Variants in ELL2 observed in about 807,000 individuals in gnomAD.
The protein encoded by ELL2 is elongation factor for RNA polymerase II 2.
ELL2 carries 21 observed loss-of-function variants against 72.8 expected under a neutral mutation model. The observed-to-expected ratio is 0.29, with a 90% CI of 0.20 to 0.42. The LOEUF (loss-of-function observed/expected upper bound fraction) is 0.42. Ranked by LOEUF, ELL2 falls within the 10% of genes least tolerant of loss-of-function variation. The pLI, the probability that ELL2 is intolerant of heterozygous loss-of-function variation, is 1.00. For missense variants in ELL2, 568 were observed against 772.8 expected, an observed-to-expected ratio of 0.73 and a Z score of 3.14; for synonymous variants, 266 against 283.2, an observed-to-expected ratio of 0.94 and a Z score of 0.61.
intron 2 of ELL2, among the ~76,000 whole-genome samples, chr5:95,941,189 TA>T (rs1187243168): frequency 6.6e-6 from 1 of 152,148 alleles, no homozygotes; most frequent in Non-Finnish European, 1.5e-5. Flanking sequence ...GCTTATCTGT[TA>T]AAATTCAAAC....
At position 95,892,257 on chromosome 5, in the gene ELL2, G is replaced by A. The variant is rs140498222; in HGVS notation, c.1590-983C>T. On this transcript the variant is annotated intron_variant, in intron 9 of 11. Coordinates refer to ENST00000237853, the MANE Select transcript of ELL2 (RefSeq NM_012081.6). Reference sequence around the variant, plus strand: ...TACCTCCTGGGCTCAACCGATTCTCGTGCCTCAGCCTCCTGAGTAGCTGAG... The same window carrying A: ...TACCTCCTGGGCTCAACCGATTCTCATGCCTCAGCCTCCTGAGTAGCTGAG... 9.9e-3 allele frequency among the ~76,000 whole-genome samples: 1,499 copies of A among 151,446 alleles called. 21 individuals are homozygous for A. Among genetic ancestry groups the A allele is most frequent in the African/African-American group, 0.035 (1,442 of 41,220 alleles).
intron 2 of ELL2, among the ~76,000 whole-genome samples, chr5:95,940,917 T>A (rs2112345807): frequency 6.6e-6 from 1 of 152,200 alleles, no homozygotes; most frequent in East Asian, 1.9e-4. Context: ...TCCCCAGTAA[T>A]GACTCTTTGT....
chr5:95,905,869 A>G (rs1254285409), intron 5 of ELL2, among the ~76,000 whole-genome samples: 2 of 152,152 alleles, frequency 1.3e-5, no homozygotes, highest in Admixed American at 1.3e-4. Context: ...AAGATTTATG[A>G]CAGATGGACA....
At position 95,898,847 on chromosome 5, in the gene ELL2, C is replaced by G. The variant is rs750230368; in HGVS notation, c.955-37G>C. On this transcript the variant is annotated intron_variant, in intron 7 of 11. Coordinates refer to ENST00000237853, the MANE Select transcript of ELL2 (RefSeq NM_012081.6). ...AAAAGGAGAAAAGTGAGCCAGTTTG[C>G]ACTAAAATTAAATAAATTCAATACA... The G allele has an allele frequency of 6.9e-6, 10 of 1,447,466 alleles. 1 individual carries two copies. The Admixed American group carries it at 1.3e-4, about 18-fold the overall frequency. The allele number at this position is 1,447,466 out of a possible 1,614,324, so 89.7% of individuals were successfully genotyped here.
At chr5:95,938,602 A>G (rs2112342660) in intron 2 of ELL2, among the ~76,000 whole-genome samples, 1 of 152,130 alleles carries the variant, frequency 6.6e-6, no homozygotes, top group East Asian at 1.9e-4. Context: ...TGTATCTATA[A>G]TCCTAGCTAC....
chr5:95,948,768 G>T (rs1751270154), intron 1 of ELL2, among the ~76,000 whole-genome samples: 1 of 152,076 alleles, frequency 6.6e-6, no homozygotes, highest in African/African-American at 2.4e-5. Context: ...GTTACTCTAG[G>T]GCTTAAGGGA....
rs1561515494 is a variant in ELL2, at chr5:95,950,943, TATATA to T, written c.148-7899_148-7895del. On this transcript the variant is annotated intron_variant, in intron 1 of 11. Coordinates refer to ENST00000237853, the MANE Select transcript of ELL2 (RefSeq NM_012081.6). ...ATATATATATATATATATATATATATATATATATATAAAATCTTCATATATATGGT... is the reference window on the plus strand; with the variant it reads ...ATATATATATATATATATATATATATTATATAAAATCTTCATATATATGGT... Among the ~76,000 whole-genome samples, 367 of 105,344 alleles carry T rather than the reference TATATA, an allele frequency of 3.5e-3. 5 individuals carry two copies. The East Asian group carries it at 0.085, about 24-fold the overall frequency. 69.1% of individuals were successfully genotyped at this position (105,344 alleles called of 152,430 possible).
At chr5:95,927,441 A>G (rs1208837661) in intron 2 of ELL2, among the ~76,000 whole-genome samples, 4 of 49,992 alleles carry the variant, frequency 8.0e-5, no homozygotes, top group Admixed American at 3.1e-4. Context: ...ACACGTGTGT[A>G]TATAGACATA....
chr5:95,898,363 T>C lies in ELL2; in HGVS notation c.1402A>G (p.Lys468Glu). Residue 468 changes from lysine (K) to glutamate (E), a missense_variant, in exon 8 of 12, where the codon AAA becomes GAA. Physicochemically the swap from Lys to Glu is moderately conservative, Grantham distance 56 (BLOSUM62 1). Coordinates refer to ENST00000237853, the MANE Select transcript of ELL2 (RefSeq NM_012081.6). ...TTTATTTGGTCCTTTTCCTTATGTT[T>C]TTTAGACTTCTTTTTGGACTTTTTG... Reference protein sequence around the residue: ...SHKKSKKKSKKHKEKDQIKKH... With the variant: ...SHKKSKKKSKEHKEKDQIKKH... 6.2e-7 allele frequency: 1 copy of C among 1,613,692 alleles called. No homozygotes were observed. The highest frequency in any genetic ancestry group is 8.5e-7 in the Non-Finnish European group (1 of 1,179,870).
At chr5:95,949,930 T>C (rs1751312506) in intron 1 of ELL2, among the ~76,000 whole-genome samples, 1 of 152,206 alleles carries the variant, frequency 6.6e-6, no homozygotes, top group Admixed American at 6.5e-5. Flanking sequence ...TAGATACTAT[T>C]ATTCTCATTT....
At chr5:95,936,107 CTA>C (rs1306527690) in intron 2 of ELL2, among the ~76,000 whole-genome samples, 1 of 152,112 alleles carries the variant, frequency 6.6e-6, no homozygotes, top group Non-Finnish European at 1.5e-5. Context: ...TGGGTAAAGA[CTA>C]TGTTGTGGAA....
intron 9 of ELL2, among the ~76,000 whole-genome samples, chr5:95,894,673 G>A (rs1162841535): frequency 2.0e-5 from 3 of 152,188 alleles, no homozygotes; most frequent in Non-Finnish European, 2.9e-5. Flanking sequence ...GTTAAGAGAT[G>A]ATAACCAGCA....
At chr5:95,894,045 G>C (rs1223317596) in intron 9 of ELL2, among the ~76,000 whole-genome samples, 3 of 152,122 alleles carry the variant, frequency 2.0e-5, no homozygotes, top group African/African-American at 7.2e-5. Flanking sequence ...GAGGTCAGGA[G>C]TTCGAGACTA....
chr5:95,925,915 C>T (rs1317234675), intron 2 of ELL2, among the ~76,000 whole-genome samples: 2 of 152,158 alleles, frequency 1.3e-5, no homozygotes, highest in Non-Finnish European at 2.9e-5. Context: ...AAACTTACTG[C>T]AAACATTTAA....
chr5:95,889,907 T>TG (rs1178410177), intron 10 of ELL2, among the ~76,000 whole-genome samples: 1 of 118,242 alleles, frequency 8.5e-6, no homozygotes, highest in Non-Finnish European at 1.8e-5. Context: ...GTCAGGTGCC[T>TG]GGGGGGGATA....
chr5:95,896,318 G>A (rs759563892), intron 8 of ELL2, among the ~76,000 whole-genome samples: 1 of 151,448 alleles, frequency 6.6e-6, no homozygotes, highest in Non-Finnish European at 1.5e-5. Context: ...GCTAAACATT[G>A]TGGCTACACA....
intron 2 of ELL2, among the ~76,000 whole-genome samples, chr5:95,925,874 CTA>C (rs1055747939): frequency 3.3e-5 from 5 of 152,182 alleles, no homozygotes; most frequent in African/African-American, 1.2e-4. Context: ...TATTATTTGA[CTA>C]TATATAGACT....
At position 95,912,264 on chromosome 5, in the gene ELL2, T is replaced by C. The variant is rs1749632842; in HGVS notation, c.481+1507A>G. On this transcript the variant is annotated intron_variant, in intron 4 of 11. Transcript: ENST00000237853. ...ACCATTCAATGGAAAAGTGCAGTCA[T>C]CATCGCTGATTTTCAAGCTTTGGAA... 2.0e-5 allele frequency among the ~76,000 whole-genome samples: 3 copies of C among 152,100 alleles called. No homozygotes were observed. In the South Asian group the frequency reaches 6.2e-4, roughly 32 times the overall value.
intron 4 of ELL2, among the ~76,000 whole-genome samples, chr5:95,909,704 G>A (rs564054176): frequency 6.8e-4 from 103 of 152,288 alleles, no homozygotes; most frequent in Non-Finnish European, 1.1e-3. Flanking sequence ...TATATAAACA[G>A]CAGCAGTGGG....
Sources: allele counts gnomAD v4.1 joint callset (sites outside exome capture counted in the v4.1 genomes callset), GRCh38; gene constraint gnomAD v4.1.1; transcripts MANE v1.5; gene names NCBI Gene and HGNC (gene_info 2026-07-23, HGNC 2026-07-21).